SH3RF3: variants seen among roughly 807,000 people sequenced by gnomAD.
SH3RF3 encodes E3 ubiquitin-protein ligase SH3RF3.
Under a neutral mutation model 66.3 loss-of-function variants are expected in SH3RF3, and 29 were observed. The ratio of observed to expected loss-of-function variants is 0.44; its 90% CI spans 0.33 to 0.60. The LOEUF (loss-of-function observed/expected upper bound fraction) is 0.60, where lower values mean the gene tolerates loss of function less well. Ranked by LOEUF, SH3RF3 falls within the 20% of genes least tolerant of loss-of-function variation. The pLI is 0.04. For synonymous variants in SH3RF3, 583 were observed against 532.0 expected (o/e 1.10, Z -1.32); for missense variants, 1,194 against 1,190.9 (o/e 1.00, Z -0.04).
At chr2:109,307,612 C>T (rs1280546180) in intron 1 of SH3RF3, among the ~76,000 whole-genome samples, 1 of 134,596 alleles carries the variant, frequency 7.4e-6, no homozygotes, top group African/African-American at 3.0e-5. Context: ...TGTGATATTC[C>T]CCTTCCTGTG....
intron 1 of SH3RF3, among the ~76,000 whole-genome samples, chr2:109,219,649 G>A (rs191938858): frequency 4.6e-5 from 7 of 152,270 alleles, no homozygotes; most frequent in African/African-American, 1.4e-4. Flanking sequence ...TATTTCTATA[G>A]ACTTGAACAA....
chr2:109,472,872 A>G (rs1405553065), intron 8 of SH3RF3, among the ~76,000 whole-genome samples: 1 of 152,216 alleles, frequency 6.6e-6, no homozygotes, highest in Non-Finnish European at 1.5e-5. Flanking sequence ...GACATATCCC[A>G]GGGCAGACAG....
chr2:109,319,021 T>C (rs1449844066), intron 1 of SH3RF3, among the ~76,000 whole-genome samples: 1 of 152,202 alleles, frequency 6.6e-6, no homozygotes. Context: ...GGATTACAGA[T>C]GGGAAAGGAG....
At chr2:109,279,118 C>T (rs1680825249) in intron 1 of SH3RF3, among the ~76,000 whole-genome samples, 1 of 152,160 alleles carries the variant, frequency 6.6e-6, no homozygotes. Context: ...CCACGTATCA[C>T]CTGGAAAACC....
At chr2:109,387,523 A>G (rs1675855041) in intron 3 of SH3RF3, among the ~76,000 whole-genome samples, 3 of 151,926 alleles carry the variant, frequency 2.0e-5, no homozygotes, top group Admixed American at 2.0e-4. Context: ...TGCTGTTCCC[A>G]CCTGCCCATC....
intron 1 of SH3RF3, among the ~76,000 whole-genome samples, chr2:109,139,312 C>CTT (rs373006887): frequency 1.5e-4 from 22 of 146,292 alleles, no homozygotes; most frequent in African/African-American, 5.2e-4. Flanking sequence ...TGAGACTGAC[C>CTT]TTTTTTTTTT....
chr2:109,423,651 C>G (rs576171269), intron 5 of SH3RF3, among the ~76,000 whole-genome samples: 3 of 152,172 alleles, frequency 2.0e-5, no homozygotes, highest in Non-Finnish European at 4.4e-5. Flanking sequence ...GCGAAATCAC[C>G]GGGTACTGCC....
chr2:109,325,027 G>A (rs917064295), intron 1 of SH3RF3, among the ~76,000 whole-genome samples: 2 of 143,820 alleles, frequency 1.4e-5, no homozygotes, highest in South Asian at 2.4e-4. Flanking sequence ...CGTAAGAGAT[G>A]TTTTTAAAAT....
rs1167756751 is a variant in SH3RF3, at chr2:109,449,318, G to C, written c.1977G>C (p.Gln659His). 5 of 1,606,892 alleles carry C rather than the reference G, an allele frequency of 3.1e-6. No individual in the cohort carries two copies. The Admixed American group carries it at 6.7e-5, about 22-fold the overall frequency. The change falls in exon 8 of 10, where the codon CAG (glutamine) becomes CAC (histidine). Residue 659 changes from glutamine to histidine, a missense_variant. By Grantham distance (24) the Gln-to-His change is conservative (BLOSUM62 0). Coordinates refer to ENST00000309415, the MANE Select transcript of SH3RF3 (RefSeq NM_001099289.3). ...AGCACAGCCACCAGCCCCCGGTGCAGATGTGCCCACGGCCGGCCATCCCCC... is the reference window on the plus strand; with the variant it reads ...AGCACAGCCACCAGCCCCCGGTGCACATGTGCCCACGGCCGGCCATCCCCC... ...SPQHSHQPPV[Q>H]MCPRPAIPLT...
In SH3RF3 at chr2:109,224,469, T is replaced by A. The variant is rs528971480; in HGVS notation, c.573+94356T>A. The stretch of plus-strand genomic sequence containing the variant: ...ATGTGCATAGCAGCAGTGATGGAAA[T>A]GTCCTGTGTCTGCTCTGTTCAGTAC... On this transcript the variant is annotated intron_variant, in intron 1 of 9. Transcript: ENST00000309415. 3.3e-5 allele frequency among the ~76,000 whole-genome samples: 5 copies of A among 152,308 alleles called. No individual in the cohort carries two copies. In the South Asian group the frequency reaches 1.0e-3, roughly 32 times the overall value.
Position 109,202,485 on chromosome 2 carries a change from C to T in SH3RF3, c.573+72372C>T, listed in dbSNP as rs556222618. Among the ~76,000 whole-genome samples, 9 of 152,328 alleles carry T rather than the reference C, an allele frequency of 5.9e-5. 1 individual carries two copies. In the East Asian group the frequency reaches 9.6e-4, roughly 16 times the overall value. On this transcript the variant is annotated intron_variant, in intron 1 of 9. Coordinates refer to ENST00000309415, the MANE Select transcript of SH3RF3 (RefSeq NM_001099289.3). ...GTACTTTTTCTCTTTGTCCCTGGGG[C>T]GCGTTCTTGTTCCTCACATGTCTGG...
chr2:109,373,807 G>A (rs1338855245), intron 3 of SH3RF3, among the ~76,000 whole-genome samples: 4 of 152,178 alleles, frequency 2.6e-5, no homozygotes, highest in Non-Finnish European at 4.4e-5. Context: ...TAAAGGACAG[G>A]TAAGATCTTA....
At chr2:109,446,520 A>T (rs1677709708) in intron 7 of SH3RF3, among the ~76,000 whole-genome samples, 1 of 152,172 alleles carries the variant, frequency 6.6e-6, no homozygotes, top group Non-Finnish European at 1.5e-5. Context: ...GGGGAGGCTG[A>T]GGCTGCAGGG....
In SH3RF3 at chr2:109,407,777, A is replaced by G. The variant is rs569823887; in HGVS notation, c.1299+8834A>G. On this transcript the variant is annotated intron_variant, in intron 4 of 9. Coordinates refer to ENST00000309415, the MANE Select transcript of SH3RF3 (RefSeq NM_001099289.3). ...AAAAATTGCATTGTGAGAATCTTAT[A>G]CAAGAAAACTTTCTTCTACAAATCT... Among the ~76,000 whole-genome samples the G allele has an allele frequency of 1.8e-3, 277 of 152,318 alleles. 4 individuals are homozygous for G. The highest frequency in any genetic ancestry group is 6.3e-3 in the African/African-American group (263 of 41,568).
intron 3 of SH3RF3, among the ~76,000 whole-genome samples, chr2:109,392,796 T>A (rs1369443254): frequency 6.6e-6 from 1 of 151,944 alleles, no homozygotes; most frequent in Admixed American, 6.6e-5. Flanking sequence ...ATTACAGGCG[T>A]CAGCCACCAC....
At chr2:109,377,636 A>G (rs1573204018) in intron 3 of SH3RF3, among the ~76,000 whole-genome samples, 1 of 152,218 alleles carries the variant, frequency 6.6e-6, no homozygotes, top group East Asian at 1.9e-4. Flanking sequence ...ATCTTTATTT[A>G]GTGAAATAAT....
chr2:109,156,782 T>C (rs1230310067), intron 1 of SH3RF3, among the ~76,000 whole-genome samples: 1 of 152,114 alleles, frequency 6.6e-6, no homozygotes, highest in East Asian at 1.9e-4. Flanking sequence ...GAAGGGTTGT[T>C]GTAGGAGATA....
chr2:109,354,552 T>C (rs1426182216), intron 2 of SH3RF3, among the ~76,000 whole-genome samples: 1 of 152,248 alleles, frequency 6.6e-6, no homozygotes, highest in Non-Finnish European at 1.5e-5. Flanking sequence ...CCAGAGCTGC[T>C]GAGGGAGCTC....
chr2:109,284,291 C>T (rs535938077), intron 1 of SH3RF3, among the ~76,000 whole-genome samples: 1 of 152,278 alleles, frequency 6.6e-6, no homozygotes, highest in South Asian at 2.1e-4. Context: ...GTATTAGTAG[C>T]CATGAGTATT....
Sources: gnomAD v4.1 joint callset for allele counts (sites outside exome capture counted in the v4.1 genomes callset) on GRCh38, gnomAD v4.1.1 for gene constraint, MANE v1.5 for transcripts, NCBI Gene and HGNC (gene_info 2026-07-23, HGNC 2026-07-21) for gene names.